The following LSAMP variants were observed in gnomAD, a reference collection of about 807,000 sequenced individuals.
The protein encoded by LSAMP is limbic system-associated membrane protein.
Under a neutral mutation model 38.6 loss-of-function variants are expected in LSAMP, and 7 were observed. The ratio of observed to expected loss-of-function variants is 0.18; its 90% confidence interval spans 0.10 to 0.34. The LOEUF (loss-of-function observed/expected upper bound fraction) is 0.34, where lower values mean the gene tolerates loss of function less well. Ranked by LOEUF, LSAMP falls within the 10% of genes least tolerant of loss-of-function variation. LSAMP has a pLI of 1.00. For synonymous variants in LSAMP, 154 were observed against 166.8 expected, an observed-to-expected ratio of 0.92 and a Z score of 0.59; for missense variants, 313 against 420.0, an observed-to-expected ratio of 0.75 and a Z score of 2.23.
intron 1 of LSAMP, among the ~76,000 whole-genome samples, chr3:116,086,897 A>G (rs1708001261): frequency 6.6e-6 from 1 of 152,176 alleles, no homozygotes; most frequent in Non-Finnish European, 1.5e-5. Flanking sequence ...TAATTTTGAG[A>G]ATTATACAAT....
intron 3 of LSAMP, among the ~76,000 whole-genome samples, chr3:115,969,392 GTC>G (rs1229648262): frequency 6.6e-6 from 1 of 152,150 alleles, no homozygotes; most frequent in Non-Finnish European, 1.5e-5. Context: ...AAGTGAATCT[GTC>G]TCTAGGAACA....
intron 3 of LSAMP, among the ~76,000 whole-genome samples, chr3:115,942,363 A>C (rs1468378720): frequency 6.6e-6 from 1 of 152,146 alleles, no homozygotes; most frequent in Admixed American, 6.6e-5. Context: ...TCATAATTCA[A>C]AGGAGCAAAA....
chr3:115,940,933 A>G (rs750909445), intron 3 of LSAMP, among the ~76,000 whole-genome samples: 3 of 152,160 alleles, frequency 2.0e-5, no homozygotes, highest in Non-Finnish European at 2.9e-5. Context: ...TTCTAGTTCC[A>G]TTTCTTTTTC....
At chr3:116,013,958 C>A (rs992600465) in intron 3 of LSAMP, among the ~76,000 whole-genome samples, 4 of 152,144 alleles carry the variant, frequency 2.6e-5, no homozygotes, top group Admixed American at 6.6e-5. Context: ...TAATACTTCT[C>A]AGGTGAGCTT....
At chr3:116,303,417 A>T (rs1023182610) in intron 1 of LSAMP, among the ~76,000 whole-genome samples, 3 of 152,228 alleles carry the variant, frequency 2.0e-5, no homozygotes, top group Admixed American at 6.5e-5. Context: ...CTATGAATAC[A>T]GAAATGTTGG....
chr3:116,170,662 G>C (rs1216817966), intron 1 of LSAMP, among the ~76,000 whole-genome samples: 1 of 152,060 alleles, frequency 6.6e-6, no homozygotes, highest in Non-Finnish European at 1.5e-5. Flanking sequence ...AGGTTGGAAG[G>C]TTATATAAGA....
At chr3:115,847,329 C>T (rs745888126) in intron 4 of LSAMP, among the ~76,000 whole-genome samples, 6 of 152,122 alleles carry the variant, frequency 3.9e-5, no homozygotes, top group Admixed American at 2.0e-4. Flanking sequence ...AACACATTGT[C>T]TGTATAGAAT....
intron 6 of LSAMP, among the ~76,000 whole-genome samples, chr3:115,832,441 A>G (rs185394567): frequency 2.2e-4 from 34 of 152,342 alleles, no homozygotes; most frequent in African/African-American, 7.9e-4. Context: ...GATACCTTGC[A>G]TTATAGCTAT....
chr3:115,983,607 T>G (rs1939426421), intron 3 of LSAMP, among the ~76,000 whole-genome samples: 1 of 152,174 alleles, frequency 6.6e-6, no homozygotes, highest in South Asian at 2.1e-4. Context: ...TATTAAGATT[T>G]CTGATAATCA....
intron 1 of LSAMP, among the ~76,000 whole-genome samples, chr3:116,430,494 G>C (rs544265971): frequency 1.4e-4 from 22 of 152,110 alleles, no homozygotes; most frequent in Admixed American, 1.4e-3. Flanking sequence ...TTTCCTAATA[G>C]AGGTCTACTT....
chr3:115,945,559 T>C (rs1015128222), intron 3 of LSAMP, among the ~76,000 whole-genome samples: 2 of 152,134 alleles, frequency 1.3e-5, no homozygotes, highest in Admixed American at 6.6e-5. Flanking sequence ...TCAGATCACC[T>C]TCATACTCCT....
chr3:116,267,337 G>T (rs1485243733), intron 1 of LSAMP, among the ~76,000 whole-genome samples: 1 of 152,108 alleles, frequency 6.6e-6, no homozygotes, highest in Non-Finnish European at 1.5e-5. Flanking sequence ...TTGAAGTATG[G>T]AATGAATTTT....
intron 3 of LSAMP, among the ~76,000 whole-genome samples, chr3:115,958,818 A>T (rs1366463210): frequency 1.4e-5 from 2 of 146,250 alleles, no homozygotes; most frequent in Admixed American, 6.6e-5. Flanking sequence ...TTAAGCACTT[A>T]AAAAAAATTG....
At chr3:116,302,723 C>T (rs1259619505) in intron 1 of LSAMP, among the ~76,000 whole-genome samples, 6 of 152,134 alleles carry the variant, frequency 3.9e-5, no homozygotes, top group African/African-American at 1.4e-4. Context: ...CCTATAATGG[C>T]ATTTGTGCAT....
chr3:116,198,996 A>G (rs2045952023), intron 1 of LSAMP, among the ~76,000 whole-genome samples: 1 of 152,072 alleles, frequency 6.6e-6, no homozygotes, highest in African/African-American at 2.4e-5. Context: ...TGGCAGGAGA[A>G]TCACTTGAGC....
intron 1 of LSAMP, among the ~76,000 whole-genome samples, chr3:116,150,142 A>AT (rs1207891360): frequency 6.6e-6 from 1 of 152,066 alleles, no homozygotes; most frequent in Non-Finnish European, 1.5e-5. Context: ...TTCTGACCTC[A>AT]TGAATGTTAG....
intron 1 of LSAMP, among the ~76,000 whole-genome samples, chr3:116,264,401 C>T (rs1381069): frequency 0.58 from 88,545 of 152,028 alleles, 30,267 homozygotes; most frequent in South Asian, 0.78. Context: ...TAGTAAGAGG[C>T]GGCTTCCAAG....
chr3:116,082,861 AAAC>A (rs1707902739), intron 2 of LSAMP, among the ~76,000 whole-genome samples: 1 of 152,106 alleles, frequency 6.6e-6, no homozygotes, highest in Admixed American at 6.6e-5. Flanking sequence ...ACAAAGAAGG[AAAC>A]AACAGACACT....
intron 3 of LSAMP, among the ~76,000 whole-genome samples, chr3:115,861,182 CTT>C (rs1559855557): frequency 6.0e-5 from 8 of 133,524 alleles, no homozygotes; most frequent in Non-Finnish European, 1.3e-4. Context: ...TCCTTCCTTC[CTT>C]CCTTCCTTCC....
Sources: allele counts gnomAD v4.1 joint callset (sites outside exome capture counted in the v4.1 genomes callset), GRCh38; gene constraint gnomAD v4.1.1; transcripts MANE v1.5; gene names NCBI Gene and HGNC (gene_info 2026-07-23, HGNC 2026-07-21).